The following WDR46 variants were observed in gnomAD, a reference collection of about 807,000 sequenced individuals.
The protein encoded by WDR46 is WD repeat-containing protein 46.
Under a neutral mutation model 74.7 loss-of-function variants are expected in WDR46, and 58 were observed. The observed-to-expected ratio is 0.78, with a 90% CI of 0.63 to 0.97. WDR46 has a LOEUF of 0.97. WDR46 is among the 50% of genes least tolerant of loss of function. The pLI is 0.00. For missense variants in WDR46, 702 were observed against 790.1 expected (o/e 0.89, Z 1.34); for synonymous variants, 278 against 297.3 (o/e 0.93, Z 0.67).
At chr6:33,285,619 G>A (rs1429461383) in intron 10 of WDR46, among the ~76,000 whole-genome samples, 1 of 151,892 alleles carries the variant, frequency 6.6e-6, no homozygotes, top group Non-Finnish European at 1.5e-5. Flanking sequence ...TGCCTCCCAG[G>A]TTCAAGCAAT....
chr6:33,279,963 A>G, intron 12 of WDR46, 104 bp from the exon 13 acceptor site: 1 of 1,060,362 alleles, frequency 9.4e-7, no homozygotes, highest in East Asian at 2.6e-5. Flanking sequence ...CAAGACCCCC[A>G]GCATGAGACA....
chr6:33,279,622 G>A lies in WDR46; in HGVS notation c.1621-12C>T, dbSNP rs376714599. The stretch of plus-strand genomic sequence containing the variant: ...TGCGGGTCATAGCCCTGAGGGAGGG[G>A]ACAGGAGTGATATCTGTTACAGCCT... On this transcript the variant is annotated splice_polypyrimidine_tract_variant and intron_variant, in intron 13 of 14. Coordinates refer to ENST00000374617, the MANE Select transcript of WDR46 (RefSeq NM_005452.6). 7.1e-5 allele frequency: 115 copies of A among 1,614,008 alleles called. No homozygotes were observed. The highest frequency in any genetic ancestry group is 1.1e-4 in the African/African-American group (8 of 74,944).
At chr6:33,281,491 GC>G in intron 10 of WDR46, among the ~76,000 whole-genome samples, 1 of 152,310 alleles carries the variant, frequency 6.6e-6, no homozygotes, top group East Asian at 1.9e-4. Context: ...AGGTTCAAAT[GC>G]ATTAACACCA....
chr6:33,283,423 C>A (rs1444759648), intron 10 of WDR46, among the ~76,000 whole-genome samples: 1 of 151,890 alleles, frequency 6.6e-6, no homozygotes, highest in Admixed American at 6.6e-5. Flanking sequence ...ATGGTGAAAC[C>A]CCATCTCTAC....
Position 33,288,164 on chromosome 6 carries a change from A to G in WDR46, c.545T>C (p.Ile182Thr). 6.2e-7 allele frequency: 1 copy of G among 1,614,176 alleles called. No individual in the cohort carries two copies. Among genetic ancestry groups the G allele is most frequent in the Non-Finnish European group, 8.5e-7 (1 of 1,180,030 alleles). Residue 182 changes from isoleucine to threonine, a missense_variant, in exon 5 of 15, where the codon ATT becomes ACT. Physicochemically the swap from Ile to Thr is moderately conservative, Grantham distance 89 (BLOSUM62 -1). Transcript: ENST00000374617. ...CAGGCTCACCTTGGCTGCACTTGCA[A>G]TGTCCACAGCCTCCACAATGTCAGC... ...CQADIVEAVD[I>T]ASAAKHFDLN...
Position 33,279,517 on chromosome 6 carries a change from C to A in WDR46, c.1714G>T (p.Val572Phe), listed in dbSNP as rs1562609758. 1 of 1,613,730 alleles carries A rather than the reference C, an allele frequency of 6.2e-7. No homozygotes were observed. The highest frequency in any genetic ancestry group is 8.5e-7 in the Non-Finnish European group (1 of 1,180,044). The change falls in exon 14 of 15, where the codon GTC (valine) becomes TTC (phenylalanine). Residue 572 changes from valine to phenylalanine, a missense_variant. Physicochemically the swap from Val to Phe is conservative, Grantham distance 50 (BLOSUM62 -1). Transcript: ENST00000374617. Reference protein sequence around the residue: ...TASLVKRKRKVMDEEHRDKVR... With the variant: ...TASLVKRKRKFMDEEHRDKVR... ...TTTACCCTGTGTTCCTCATCCATGA[C>A]CTTCCTCTTCCTCTTCACCAGGCTT...
At position 33,279,845 on chromosome 6, in the gene WDR46, A is replaced by G; in HGVS notation, c.1539T>C (p.Leu513=). 2 of 1,614,014 alleles carry G rather than the reference A, an allele frequency of 1.2e-6. No homozygotes were observed. Among genetic ancestry groups the G allele is most frequent in the Non-Finnish European group, 1.7e-6 (2 of 1,179,968 alleles). ...CCAGGGCTCGTGGGTCCAGACAAAT[A>G]AGCTCTGCAGGTACCTGGGGGTGTC... ...KALLEKVPAE[L]ICLDPRALAE... is the part of the protein sequence containing the mutation. Residue 513 remains leucine (L), a synonymous_variant, in exon 13 of 15, where the codon CTT becomes CTC. Transcript: ENST00000374617.
chr6:33,287,812 G>T (rs895647448), intron 6 of WDR46, 94 bp from the exon 7 acceptor site: 1 of 1,533,502 alleles, frequency 6.5e-7, no homozygotes, highest in African/African-American at 1.4e-5. Flanking sequence ...ATCTCTCCAG[G>T]CGGGCAGACA....
At chr6:33,287,288 G>A (rs534906829) in intron 8 of WDR46, 62 bp from the exon 9 acceptor site, 1 of 1,611,894 alleles carries the variant, frequency 6.2e-7, no homozygotes, top group Admixed American at 1.7e-5. Context: ...CCCTCTGCTG[G>A]GGTCCTAAAG....
At chr6:33,284,807 A>G (rs761535243) in intron 10 of WDR46, 6 of 139,836 alleles carry the variant, frequency 4.3e-5, no homozygotes, top group African/African-American at 9.5e-5. Context: ...TCCAATATCC[A>G]ACAAATAAAG....
intron 13 of WDR46, 62 bp from the exon 14 acceptor site, chr6:33,279,672 C>T: frequency 6.2e-7 from 1 of 1,612,344 alleles, no homozygotes; most frequent in Non-Finnish European, 8.5e-7. Flanking sequence ...TGGCAGCACC[C>T]ACCTGCTGGC....
intron 10 of WDR46, among the ~76,000 whole-genome samples, chr6:33,283,252 G>A (rs760000207): frequency 5.3e-5 from 8 of 151,350 alleles, no homozygotes; most frequent in African/African-American, 7.3e-5. Flanking sequence ...AGCGGGTGGT[G>A]GGGGGGGTGG....
chr6:33,280,510 G>A lies in WDR46; in HGVS notation c.1442C>T (p.Pro481Leu). The A allele has an allele frequency of 6.2e-7, 1 of 1,601,498 alleles. No homozygotes were observed. Among genetic ancestry groups the A allele is most frequent in the Non-Finnish European group, 8.5e-7 (1 of 1,173,278 alleles). Residue 481 changes from proline (P) to leucine (L), a missense_variant, in exon 12 of 15, where the codon CCC becomes CTC. Coordinates refer to ENST00000374617, the MANE Select transcript of WDR46 (RefSeq NM_005452.6). ...ATTACTCTCCAGGCCATCGAAGTTG[G>A]GCTCACCGGCCCCTGAAGGGAGGGA... ...TSMLVPGAGE[P>L]NFDGLESNPY...
In WDR46 at chr6:33,287,673, A is replaced by T; in HGVS notation, c.669T>A (p.Asp223Glu). 5 of 1,613,794 alleles carry T rather than the reference A, an allele frequency of 3.1e-6. No homozygotes were observed. The highest frequency in any genetic ancestry group is 4.2e-6 in the Non-Finnish European group (5 of 1,179,958). ...GGRRGHVAALDWVTKKLMCEI... is the reference protein window; with the variant it reads ...GGRRGHVAALEWVTKKLMCEI... ...CGCACATAAGCTTCTTTGTTACCCAATCAAGGGCAGCCACATGACCTCGGC... is the reference window on the plus strand; with the variant it reads ...CGCACATAAGCTTCTTTGTTACCCATTCAAGGGCAGCCACATGACCTCGGC... The change falls in exon 7 of 15, where the codon GAT becomes GAA. Residue 223 changes from aspartate to glutamate, a missense_variant. By Grantham distance (45) the Asp-to-Glu change is conservative (BLOSUM62 2). Transcript: ENST00000374617.
Position 33,280,444 on chromosome 6 carries a change from T to G in WDR46, c.1508A>C (p.Lys503Thr), listed in dbSNP as rs1766060943. 6.3e-7 allele frequency: 1 copy of G among 1,583,730 alleles called. No individual in the cohort carries two copies. The highest frequency in any genetic ancestry group is 1.1e-5 in the South Asian group (1 of 87,066). ...GAGCCTCACCTTCTCTAGCAGGGCC[T>G]TCACCTCCCACTCCTGGCGCTGCTT... ...SRKQRQEWEVKALLEKVPAEL... is the reference protein window; with the variant it reads ...SRKQRQEWEVTALLEKVPAEL... The change falls in exon 12 of 15, where the codon AAG becomes ACG. Residue 503 changes from lysine to threonine, a missense_variant. Coordinates refer to ENST00000374617, the MANE Select transcript of WDR46 (RefSeq NM_005452.6).
chr6:33,286,815 C>G lies in WDR46; in HGVS notation c.1095G>C (p.Val365=). 6.2e-7 allele frequency: 1 copy of G among 1,614,152 alleles called. No homozygotes were observed. Among genetic ancestry groups the G allele is most frequent in the Non-Finnish European group, 8.5e-7 (1 of 1,180,050 alleles). ...CTTACGTGCCTGTAGAATCTACTGC[C>G]ACAGCCCGGACCCCACCACGATGAC... The part of the protein sequence containing the change: ...ILCHRGGVRA[V]AVDSTGTYMA... Residue 365 remains valine, a synonymous_variant, in exon 10 of 15, where the codon GTG becomes GTC. Coordinates refer to ENST00000374617, the MANE Select transcript of WDR46 (RefSeq NM_005452.6).
rs146335753 is a variant in WDR46 at position 33,279,315 on chromosome 6, C to T, written c.1794G>A (p.Thr598=). 2.7e-5 allele frequency: 44 copies of T among 1,614,110 alleles called. No homozygotes were observed. Among genetic ancestry groups the T allele is most frequent in the African/African-American group, 1.6e-4 (12 of 74,952 alleles). The change falls in exon 15 of 15, where the codon ACG becomes ACA. Residue 598 remains threonine, a synonymous_variant. Transcript: ENST00000374617. ...TGTCCAGGGCAGATGGCCGGGCCCC[C>T]GTGGGCTTGGCCTTCGCCTCCTTAT... ...QHHKEAKAKP[T]GARPSALDRF... is the part of the protein sequence containing the mutation.
At position 33,279,808 on chromosome 6, in the gene WDR46, C is replaced by T. The variant is rs1336169274; in HGVS notation, c.1576G>A (p.Val526Ile). 1.9e-6 allele frequency: 3 copies of T among 1,614,006 alleles called. No individual in the cohort carries two copies. The highest frequency in any genetic ancestry group is 4.5e-5 in the East Asian group (2 of 44,884). The change falls in exon 13 of 15, where the codon GTC becomes ATC. Residue 526 changes from valine (V) to isoleucine (I), a missense_variant. Transcript: ENST00000374617. Reference protein sequence around the residue: ...LDPRALAEVDVISLEQGKKEQ... With the variant: ...LDPRALAEVDIISLEQGKKEQ... The stretch of plus-strand genomic sequence containing the variant: ...TTCTTTCCCTGCTCCAGGGAGATGA[C>T]ATCCACCTCGGCCAGGGCTCGTGGG...
Position 33,288,988 on chromosome 6 carries a change from T to G in WDR46, c.95A>C (p.Glu32Ala). The G allele has an allele frequency of 6.2e-7, 1 of 1,614,096 alleles. No homozygotes were observed. Among genetic ancestry groups the G allele is most frequent in the Non-Finnish European group, 8.5e-7 (1 of 1,180,020 alleles). Residue 32 changes from glutamate to alanine, a missense_variant, in exon 2 of 15, where the codon GAG becomes GCG. Transcript: ENST00000374617. The stretch of plus-strand genomic sequence containing the variant: ...GGCTCCGGCTGTGGTCGGAACGGTC[T>G]CTTCCTCCCAGTATCGCCGCGGTTT... ...RKKPRRYWEEETVPTTAGASP... is the reference protein window; with the variant it reads ...RKKPRRYWEEATVPTTAGASP...
Sources: allele counts gnomAD v4.1 joint callset (sites outside exome capture counted in the v4.1 genomes callset), GRCh38; gene constraint gnomAD v4.1.1; transcripts MANE v1.5; gene names NCBI Gene and HGNC (gene_info 2026-07-23, HGNC 2026-07-21).